Variants in CAMK4 observed in about 807,000 individuals in gnomAD.
The protein encoded by CAMK4 is calcium/calmodulin dependent protein kinase IV, also known as calcium/calmodulin-dependent protein kinase type IV.
Under a neutral mutation model 44.9 loss-of-function variants are expected in CAMK4, and 22 were observed. The ratio of observed to expected loss-of-function variants is 0.49; its 90% CI spans 0.35 to 0.70. The LOEUF is 0.70. Ranked by LOEUF, CAMK4 falls within the 30% of genes least tolerant of loss-of-function variation. The probability of loss-of-function intolerance (pLI) is 0.01; values close to 1 mark genes in which losing one functional copy is unlikely to be tolerated. For missense variants in CAMK4, 498 were observed against 586.8 expected (o/e 0.85, Z 1.56); for synonymous variants, 218 against 215.4 (o/e 1.01, Z -0.11).
intron 1 of CAMK4, among the ~76,000 whole-genome samples, chr5:111,336,632 G>C (rs935633848): frequency 6.6e-6 from 1 of 150,960 alleles, no homozygotes; most frequent in East Asian, 1.9e-4. Context: ...AAAAAGCTTT[G>C]CTAAGACAAT....
At chr5:111,351,325 CA>C (rs1022502588) in intron 2 of CAMK4, among the ~76,000 whole-genome samples, 4 of 152,094 alleles carry the variant, frequency 2.6e-5, no homozygotes, top group Admixed American at 2.6e-4. Context: ...CTCCCACATC[CA>C]CCAGTCTTTT....
chr5:111,434,571 C>T (rs754627793), intron 5 of CAMK4, among the ~76,000 whole-genome samples: 8 of 152,198 alleles, frequency 5.3e-5, no homozygotes, highest in Non-Finnish European at 8.8e-5. Context: ...CACAGCCAGA[C>T]AGTCCTAACC....
At chr5:111,376,668 A>G (rs539682028) in intron 3 of CAMK4, among the ~76,000 whole-genome samples, 192 bp from the exon 4 acceptor site, 1 of 152,244 alleles carries the variant, frequency 6.6e-6, no homozygotes, top group East Asian at 1.9e-4. Context: ...GAAAAAAATG[A>G]GGTAACTGAT....
At chr5:111,226,200 AC>A (rs1299330567) in intron 1 of CAMK4, among the ~76,000 whole-genome samples, 3 of 152,318 alleles carry the variant, frequency 2.0e-5, no homozygotes, top group Admixed American at 2.0e-4. Flanking sequence ...TGACTTATCC[AC>A]ACACGTTGTC....
intron 7 of CAMK4, among the ~76,000 whole-genome samples, chr5:111,466,926 A>G (rs1166271501): frequency 2.0e-5 from 3 of 152,290 alleles, no homozygotes; most frequent in East Asian, 1.9e-4. Flanking sequence ...GAGGCATCAC[A>G]TTATCTGACT....
intron 2 of CAMK4, among the ~76,000 whole-genome samples, chr5:111,346,963 G>A (rs550341899): frequency 6.6e-6 from 1 of 152,066 alleles, no homozygotes; most frequent in Non-Finnish European, 1.5e-5. Context: ...TTATGAGCAC[G>A]GGTACACTAT....
At chr5:111,372,744 G>C (rs984930500) in intron 2 of CAMK4, among the ~76,000 whole-genome samples, 1 of 152,176 alleles carries the variant, frequency 6.6e-6, no homozygotes, top group African/African-American at 2.4e-5. Context: ...CTATGGTTTA[G>C]TGTCCGTGGA....
At chr5:111,235,980 G>C (rs1234174102) in intron 1 of CAMK4, among the ~76,000 whole-genome samples, 1 of 152,222 alleles carries the variant, frequency 6.6e-6, no homozygotes, top group East Asian at 1.9e-4. Flanking sequence ...GGCTAAGACA[G>C]GAACAGGCAG....
intron 5 of CAMK4, among the ~76,000 whole-genome samples, chr5:111,397,728 A>C (rs1318989683): frequency 6.9e-6 from 1 of 145,232 alleles, no homozygotes; most frequent in Non-Finnish European, 1.5e-5. Context: ...GTACTTTTTC[A>C]TGTTTCTAGT....
intron 1 of CAMK4, among the ~76,000 whole-genome samples, chr5:111,285,966 G>C (rs1341928030): frequency 6.6e-6 from 1 of 152,180 alleles, no homozygotes. Context: ...TAGTAGCATT[G>C]CTACCATGCT....
chr5:111,325,807 T>A (rs1340194065), intron 1 of CAMK4, among the ~76,000 whole-genome samples: 1 of 152,094 alleles, frequency 6.6e-6, no homozygotes, highest in Non-Finnish European at 1.5e-5. Flanking sequence ...TTGCAAAACT[T>A]TTCTACCATT....
chr5:111,326,956 TA>T (rs1193572607), intron 1 of CAMK4, among the ~76,000 whole-genome samples: 1 of 151,958 alleles, frequency 6.6e-6, no homozygotes, highest in Non-Finnish European at 1.5e-5. Context: ...TTAATTAAAA[TA>T]AAATTCCAAA....
intron 1 of CAMK4, among the ~76,000 whole-genome samples, chr5:111,251,848 T>C (rs1011694670): frequency 1.3e-5 from 2 of 152,174 alleles, no homozygotes; most frequent in Non-Finnish European, 2.9e-5. Context: ...TCTCACGTAA[T>C]GTTATGTGTA....
intron 5 of CAMK4, among the ~76,000 whole-genome samples, chr5:111,410,187 A>G (rs1050732337): frequency 6.6e-6 from 1 of 152,150 alleles, no homozygotes; most frequent in Non-Finnish European, 1.5e-5. Flanking sequence ...GAAACTGGGT[A>G]ATTTATAAAG....
At chr5:111,411,089 A>C (rs773370173) in intron 5 of CAMK4, among the ~76,000 whole-genome samples, 9 of 152,156 alleles carry the variant, frequency 5.9e-5, no homozygotes, top group Non-Finnish European at 4.4e-5. Flanking sequence ...CAATCTTCCA[A>C]ACTCTAAAAG....
intron 1 of CAMK4, among the ~76,000 whole-genome samples, chr5:111,322,456 T>G (rs1350925511): frequency 6.6e-6 from 1 of 152,036 alleles, no homozygotes; most frequent in Non-Finnish European, 1.5e-5. Context: ...TAATAACAAA[T>G]AAAACCAAAC....
At position 111,290,725 on chromosome 5, in the gene CAMK4, G is replaced by A. The variant is rs1747206354; in HGVS notation, c.162-53299G>A. On this transcript the variant is annotated intron_variant, in intron 1 of 10. Transcript: ENST00000282356. This position sits in a 1 kb window ranked among gnomAD's most constrained non-coding sequence, Gnocchi z 4.5. ...GCCATGGGGTCGAGTGATGGAATCA[G>A]CAGGGAGACTACATGGTGAGAAGTG... Among the ~76,000 whole-genome samples the A allele has an allele frequency of 6.6e-6, 1 of 152,200 alleles. No individual in the cohort carries two copies. The highest frequency in any genetic ancestry group is 1.5e-5 in the Non-Finnish European group (1 of 68,038).
chr5:111,299,709 C>A (rs1390465981), intron 1 of CAMK4, among the ~76,000 whole-genome samples: 1 of 152,116 alleles, frequency 6.6e-6, no homozygotes, highest in African/African-American at 2.4e-5. Flanking sequence ...CCCTATGTGA[C>A]CAGCATTCGT....
At chr5:111,244,875 AAAAT>A (rs1013354365) in intron 1 of CAMK4, among the ~76,000 whole-genome samples, 2 of 152,108 alleles carry the variant, frequency 1.3e-5, no homozygotes, top group African/African-American at 2.4e-5. Context: ...AATTAAAAAT[AAAAT>A]AAATAAATAA....
Sources: allele counts gnomAD v4.1 joint callset (sites outside exome capture counted in the v4.1 genomes callset), GRCh38; gene constraint gnomAD v4.1.1; non-coding constraint Gnocchi (gnomAD v3.1); transcripts MANE v1.5; gene names NCBI Gene and HGNC (gene_info 2026-07-23, HGNC 2026-07-21).